The following DCLK1 variants were observed in gnomAD, a reference collection of about 807,000 sequenced individuals.
DCLK1 encodes the protein doublecortin like kinase 1, also known as serine/threonine-protein kinase DCLK1.
A neutral mutation model predicts 86.2 loss-of-function variants in DCLK1; 16 were observed. The ratio of observed to expected loss-of-function variants is 0.19; its 90% CI spans 0.13 to 0.28. The LOEUF (loss-of-function observed/expected upper bound fraction) is 0.28, where lower values mean the gene tolerates loss of function less well. Ranked by LOEUF, DCLK1 falls within the 10% of genes least tolerant of loss-of-function variation. The probability of loss-of-function intolerance (pLI) is 1.00; values close to 1 mark genes in which losing one functional copy is unlikely to be tolerated. For synonymous variants in DCLK1, 369 were observed against 370.5 expected, an observed-to-expected ratio of 1.00 and a Z score of 0.05; for missense variants, 590 against 940.2, an observed-to-expected ratio of 0.63 and a Z score of 4.87.
At chr13:35,961,464 C>T (rs1878458921) in intron 3 of DCLK1, among the ~76,000 whole-genome samples, 1 of 152,186 alleles carries the variant, frequency 6.6e-6, no homozygotes, top group Non-Finnish European at 1.5e-5. Flanking sequence ...AACCATAAGG[C>T]ATTCAAACTG....
chr13:35,911,008 G>C (rs113506791), intron 4 of DCLK1, among the ~76,000 whole-genome samples: 7,128 of 151,874 alleles, frequency 0.047, 550 homozygotes, highest in African/African-American at 0.16. Context: ...TTTTGGCCAG[G>C]CATGGCGGCT....
At chr13:36,120,741 C>T (rs959334380) in intron 2 of DCLK1, among the ~76,000 whole-genome samples, 4 of 152,056 alleles carry the variant, frequency 2.6e-5, no homozygotes, top group African/African-American at 9.7e-5. Flanking sequence ...AAATGAAATA[C>T]AAATGCCCTT....
rs1397428101 is a variant in DCLK1 at position 35,846,343 on chromosome 13, T to A, written c.1036-7167A>T. 3.0e-6 allele frequency: 3 copies of A among 985,168 alleles called. No homozygotes were observed. In the African/African-American group the frequency reaches 5.2e-5, roughly 17 times the overall value. The allele number at this position is 985,168 out of a possible 1,614,324, so 61.0% of individuals were successfully genotyped here. A position where few individuals can be genotyped will look rare whatever the true frequency, so the allele number is the denominator to read the frequency against. On this transcript the variant is annotated intron_variant, in intron 6 of 16. Coordinates refer to ENST00000360631, the MANE Select transcript of DCLK1 (RefSeq NM_001330071.2). ...TGAGTATCAACTCCTCAAAAACACA[T>A]CACAGAAAGTTAACTTTCATACTTC... is the stretch of plus-strand genomic sequence containing the variant.
rs1204951228 is a variant in DCLK1, at chr13:35,771,479, CAT to C, written c.*3054_*3055del. On this transcript the variant is annotated 3_prime_UTR_variant, in exon 17 of 17. Coordinates refer to ENST00000360631, the MANE Select transcript of DCLK1 (RefSeq NM_001330071.2). ...CCTTCTAACGATCTGGAGCAAATCA[CAT>C]ATTCATTGATCATGACGAATAAAAT... 2.0e-5 allele frequency: 3 copies of C among 152,120 alleles called. No homozygotes were observed. The highest frequency in any genetic ancestry group is 7.2e-5 in the African/African-American group (3 of 41,442). The allele number at this position is 152,120 out of a possible 1,614,324, so 9.4% of individuals were successfully genotyped here.
At chr13:35,983,839 T>A (rs1879778159) in intron 3 of DCLK1, among the ~76,000 whole-genome samples, 1 of 152,164 alleles carries the variant, frequency 6.6e-6, no homozygotes, top group African/African-American at 2.4e-5. Context: ...GAAATCTGGG[T>A]TTGACTTGAC....
At position 35,871,311 on chromosome 13, in the gene DCLK1, T is replaced by G. The variant is rs775132428; in HGVS notation, c.853A>C (p.Thr285Pro). ...ECRVVKSTSY[T>P]KIASSSRRST... Reference sequence around the variant, plus strand: ...CTGCGGGATGATGAAGCTATTTTGGTGTAAGAAGTGGACTTTACCACTCGA... The same window carrying G: ...CTGCGGGATGATGAAGCTATTTTGGGGTAAGAAGTGGACTTTACCACTCGA... The change falls in exon 5 of 17, where the codon ACC becomes CCC. Residue 285 changes from threonine to proline, a missense_variant. Transcript: ENST00000360631. 2 of 1,613,742 alleles carry G rather than the reference T, an allele frequency of 1.2e-6. No individual in the cohort carries two copies. Among genetic ancestry groups the G allele is most frequent in the African/African-American group, 1.3e-5 (1 of 74,806 alleles).
At chr13:35,908,477 T>C (rs1874807807) in intron 4 of DCLK1, among the ~76,000 whole-genome samples, 1 of 152,254 alleles carries the variant, frequency 6.6e-6, no homozygotes, top group Non-Finnish European at 1.5e-5. Flanking sequence ...TATCCTTTGT[T>C]GGGGCATGAT....
At chr13:36,094,285 G>A (rs1884928662) in intron 3 of DCLK1, among the ~76,000 whole-genome samples, 1 of 152,088 alleles carries the variant, frequency 6.6e-6, no homozygotes, top group Admixed American at 6.6e-5. Context: ...TTTCTTAAAT[G>A]CTAGAAACAC....
intron 4 of DCLK1, among the ~76,000 whole-genome samples, chr13:35,916,019 G>A (rs7317857): frequency 0.31 from 47,127 of 151,920 alleles, 8,680 homozygotes; most frequent in African/African-American, 0.49. Context: ...TCAAAGGTGA[G>A]TCTCAGGTCA....
chr13:35,954,072 T>G (rs1301844616), intron 3 of DCLK1, among the ~76,000 whole-genome samples: 2 of 152,166 alleles, frequency 1.3e-5, no homozygotes, highest in African/African-American at 4.8e-5. Context: ...ATTATTTCTG[T>G]TTTAACTTTC....
At position 35,931,413 on chromosome 13, in the gene DCLK1, C is replaced by T. The variant is rs182764768; in HGVS notation, c.823+15945G>A. 1.5e-3 allele frequency among the ~76,000 whole-genome samples: 232 copies of T among 152,284 alleles called. 1 individual carries two copies. The highest frequency in any genetic ancestry group is 2.9e-3 in the Admixed American group (45 of 15,302). The stretch of plus-strand genomic sequence containing the variant: ...ACAAGTAGAAGCTGGCTTGACATCA[C>T]GTCAGAAAGCCCCAGAGAGTTCAGC... On this transcript the variant is annotated intron_variant, in intron 4 of 16. Coordinates refer to ENST00000360631, the MANE Select transcript of DCLK1 (RefSeq NM_001330071.2).
chr13:35,855,266 T>A (rs1230721237), intron 5 of DCLK1, among the ~76,000 whole-genome samples: 2 of 152,186 alleles, frequency 1.3e-5, no homozygotes, highest in Non-Finnish European at 2.9e-5. Context: ...TTCACTAAAC[T>A]GAACTAAAGC....
chr13:35,886,202 G>A (rs1873228699), intron 4 of DCLK1, among the ~76,000 whole-genome samples: 2 of 151,854 alleles, frequency 1.3e-5, no homozygotes, highest in Non-Finnish European at 2.9e-5. Flanking sequence ...TAGTAGAGAC[G>A]GGGTTTCACT....
chr13:35,926,366 A>G (rs1876119594), intron 4 of DCLK1, among the ~76,000 whole-genome samples: 1 of 152,072 alleles, frequency 6.6e-6, no homozygotes. Flanking sequence ...CTGCAAATGT[A>G]GTCTTATTGT....
chr13:35,974,501 T>C (rs1725179711), intron 3 of DCLK1, among the ~76,000 whole-genome samples: 3 of 152,172 alleles, frequency 2.0e-5, no homozygotes, highest in South Asian at 4.2e-4. Context: ...AGGAGGGACA[T>C]GGTGAGGTAA....
chr13:36,110,889 G>C lies in DCLK1; in HGVS notation c.723+980C>G, dbSNP rs543573325. ...TCTGTCACCCAGGCTGGAGTGCAGTGGTGCGATCTCGGCTCACTGCAAGCT... is the reference window on the plus strand; with the variant it reads ...TCTGTCACCCAGGCTGGAGTGCAGTCGTGCGATCTCGGCTCACTGCAAGCT... On this transcript the variant is annotated intron_variant, in intron 3 of 16. Transcript: ENST00000360631. 1.3e-4 allele frequency among the ~76,000 whole-genome samples: 18 copies of C among 142,446 alleles called. 1 individual carries two copies. Among genetic ancestry groups the C allele is most frequent in the South Asian group, 6.6e-4 (3 of 4,554 alleles). 93.5% of individuals were successfully genotyped at this position (142,446 alleles called of 152,430 possible).
chr13:35,847,440 A>G, intron 6 of DCLK1: 1 of 985,128 alleles, frequency 1.0e-6, no homozygotes. Flanking sequence ...GCATACCCAC[A>G]TACACACCAA....
intron 13 of DCLK1, 23 bp downstream of exon 13, chr13:35,808,995 G>C: frequency 6.2e-7 from 1 of 1,604,540 alleles, no homozygotes; most frequent in South Asian, 1.1e-5. Flanking sequence ...TGTCGGCGCT[G>C]AATAAAAGAT....
intron 3 of DCLK1, among the ~76,000 whole-genome samples, chr13:36,070,968 G>A (rs961065328): frequency 5.9e-5 from 9 of 152,088 alleles, no homozygotes; most frequent in Admixed American, 1.3e-4. Flanking sequence ...AGAGACCTAG[G>A]AGACATGGTG....
Sources: allele counts gnomAD v4.1 joint callset (sites outside exome capture counted in the v4.1 genomes callset), GRCh38; gene constraint gnomAD v4.1.1; transcripts MANE v1.5; gene names NCBI Gene and HGNC (gene_info 2026-07-23, HGNC 2026-07-21).